KIAA0825: variants seen among roughly 807,000 people sequenced by gnomAD.
The protein encoded by KIAA0825 is uncharacterized protein KIAA0825.
In KIAA0825, 119 loss-of-function variants were observed where a neutral mutation model predicts 147.6. The ratio of observed to expected loss-of-function variants is 0.81; its 90% CI spans 0.69 to 0.94. KIAA0825 has a LOEUF of 0.94. KIAA0825 is among the 40% of genes least tolerant of loss of function. The pLI is 0.00. For missense variants in KIAA0825, 1,381 were observed against 1,472.7 expected, an observed-to-expected ratio of 0.94 and a Z score of 1.02; for synonymous variants, 470 against 518.1, an observed-to-expected ratio of 0.91 and a Z score of 1.26.
chr5:94,540,106 C>T (rs757964818), intron 2 of KIAA0825, among the ~76,000 whole-genome samples: 3 of 152,152 alleles, frequency 2.0e-5, no homozygotes, highest in South Asian at 2.1e-4. Context: ...TTCCCCACCC[C>T]GCCTGAGGCA....
intron 20 of KIAA0825, among the ~76,000 whole-genome samples, chr5:94,331,858 G>A (rs1271862048): frequency 1.3e-5 from 2 of 151,944 alleles, no homozygotes; most frequent in African/African-American, 4.8e-5. Flanking sequence ...CAGAAAATCA[G>A]AAACATGGCT....
intron 3 of KIAA0825, among the ~76,000 whole-genome samples, chr5:94,536,170 T>C (rs1771967530): frequency 6.6e-6 from 1 of 152,250 alleles, no homozygotes; most frequent in Non-Finnish European, 1.5e-5. Context: ...TTGAATTTAC[T>C]TATGCCCATT....
chr5:94,448,015 T>C (rs1440192024), intron 13 of KIAA0825, among the ~76,000 whole-genome samples: 1 of 151,948 alleles, frequency 6.6e-6, no homozygotes, highest in East Asian at 1.9e-4. Context: ...CATGAAGAGG[T>C]AAGTTTAGAA....
At chr5:94,558,420 A>C (rs1285437564) in intron 2 of KIAA0825, among the ~76,000 whole-genome samples, 2 of 152,206 alleles carry the variant, frequency 1.3e-5, no homozygotes, top group African/African-American at 4.8e-5. Context: ...TTTTTGGCTG[A>C]GGCCACTAGA....
At chr5:94,215,010 A>G (rs1227687181) in intron 20 of KIAA0825, among the ~76,000 whole-genome samples, 1 of 152,256 alleles carries the variant, frequency 6.6e-6, no homozygotes. Flanking sequence ...CTTCCTATTC[A>G]TATTCATTAA....
chr5:94,384,387 T>C lies in KIAA0825; in HGVS notation c.3691A>G (p.Ser1231Gly), dbSNP rs1748859548. The C allele has an allele frequency of 1.3e-6, 2 of 1,551,928 alleles. No homozygotes were observed. The highest frequency in any genetic ancestry group is 1.7e-6 in the Non-Finnish European group (2 of 1,146,938). Reference sequence around the variant, plus strand: ...TATTACCTGTTTTTGAGCAGCACACTGAAGGTCATCTTATCCAGTCTCAGA... The same window carrying C: ...TATTACCTGTTTTTGAGCAGCACACCGAAGGTCATCTTATCCAGTCTCAGA... ...NYLRLDKMTF[S>G]VLLKNRWEMK... Residue 1231 changes from serine to glycine, a missense_variant, in exon 20 of 21, where the codon AGT becomes GGT. Ser to Gly is a moderately conservative substitution (Grantham distance 56, BLOSUM62 0). Coordinates refer to ENST00000682413, the MANE Select transcript of KIAA0825 (RefSeq NM_001145678.3).
intron 20 of KIAA0825, among the ~76,000 whole-genome samples, chr5:94,217,853 G>GT (rs59939251): frequency 2.0e-5 from 3 of 151,734 alleles, no homozygotes; most frequent in African/African-American, 4.9e-5. Flanking sequence ...AAGGCAATAC[G>GT]TTTTTTTAAC....
At chr5:94,563,357 CAAAAA>C (rs35396980) in intron 2 of KIAA0825, among the ~76,000 whole-genome samples, 1 of 131,290 alleles carries the variant, frequency 7.6e-6, no homozygotes, top group Non-Finnish European at 1.6e-5. Flanking sequence ...GACTCCGTCT[CAAAAA>C]AAAAAAAAAA....
At chr5:94,254,461 C>T (rs879645989) in intron 20 of KIAA0825, among the ~76,000 whole-genome samples, 14 of 152,096 alleles carry the variant, frequency 9.2e-5, no homozygotes, top group East Asian at 5.8e-4. Context: ...AGAGCATGGA[C>T]GGATTAGTGT....
chr5:94,489,586 A>C (rs1180859388), intron 5 of KIAA0825, among the ~76,000 whole-genome samples: 1 of 151,556 alleles, frequency 6.6e-6, no homozygotes, highest in Admixed American at 6.6e-5. Flanking sequence ...AAAAAAAAAA[A>C]ACAAACTCCA....
intron 20 of KIAA0825, among the ~76,000 whole-genome samples, chr5:94,310,164 T>G (rs1779032262): frequency 6.6e-6 from 1 of 151,756 alleles, no homozygotes; most frequent in African/African-American, 2.4e-5. Flanking sequence ...TTCCATCCTT[T>G]GGAAAATAGA....
At chr5:94,309,386 G>A (rs1287562301) in intron 20 of KIAA0825, among the ~76,000 whole-genome samples, 11 of 151,704 alleles carry the variant, frequency 7.3e-5, no homozygotes. Flanking sequence ...GTTCTGCTCA[G>A]GACAGTGAGG....
chr5:94,524,635 C>CA (rs1562593215), intron 3 of KIAA0825, among the ~76,000 whole-genome samples: 1 of 150,990 alleles, frequency 6.6e-6, no homozygotes, highest in South Asian at 2.1e-4. Flanking sequence ...AACTCCACTA[C>CA]AAAAAACAGA....
chr5:94,510,763 C>G (rs1452172972), intron 5 of KIAA0825, among the ~76,000 whole-genome samples: 1 of 152,192 alleles, frequency 6.6e-6, no homozygotes, highest in Admixed American at 6.5e-5. Context: ...GGATTATTTT[C>G]TCATTTTCAA....
intron 7 of KIAA0825, among the ~76,000 whole-genome samples, chr5:94,475,726 T>C (rs963849972): frequency 6.6e-6 from 1 of 152,002 alleles, no homozygotes; most frequent in Non-Finnish European, 1.5e-5. Flanking sequence ...AGAGAATCGC[T>C]TGAACTTGGG....
At chr5:94,310,427 C>T (rs1332864037) in intron 20 of KIAA0825, among the ~76,000 whole-genome samples, 5 of 151,586 alleles carry the variant, frequency 3.3e-5, no homozygotes, top group African/African-American at 1.2e-4. Context: ...TTTACAAAAC[C>T]AGAGTTCTTA....
At chr5:94,366,881 T>C (rs1745929822) in intron 20 of KIAA0825, among the ~76,000 whole-genome samples, 1 of 152,232 alleles carries the variant, frequency 6.6e-6, no homozygotes. Flanking sequence ...ACCTTACTGT[T>C]GTGTCCGGTT....
intron 20 of KIAA0825, among the ~76,000 whole-genome samples, chr5:94,363,268 A>C (rs1277305110): frequency 6.6e-6 from 1 of 151,978 alleles, no homozygotes; most frequent in Non-Finnish European, 1.5e-5. Context: ...AGAGATCCGC[A>C]AGCTTCTGGG....
intron 20 of KIAA0825, among the ~76,000 whole-genome samples, chr5:94,202,737 T>C (rs927966903): frequency 6.6e-6 from 1 of 152,206 alleles, no homozygotes; most frequent in African/African-American, 2.4e-5. Flanking sequence ...TTATTTCACC[T>C]GAAGCTCTGC....
Sources: allele counts gnomAD v4.1 joint callset (sites outside exome capture counted in the v4.1 genomes callset), GRCh38; gene constraint gnomAD v4.1.1; transcripts MANE v1.5; gene names NCBI Gene and HGNC (gene_info 2026-07-23, HGNC 2026-07-21).